FRMD3: variants seen among roughly 807,000 people sequenced by gnomAD.
The protein encoded by FRMD3 is FERM domain-containing protein 3.
A neutral mutation model predicts 70.2 loss-of-function variants in FRMD3; 33 were observed. That is an observed-to-expected ratio of 0.47 (90% CI 0.36 to 0.63). FRMD3 has a LOEUF of 0.63. Among genes scored for constraint, FRMD3 ranks in the 20% least tolerant of loss-of-function variants. The pLI, the probability that FRMD3 is intolerant of heterozygous loss-of-function variation, is 0.00. For missense variants in FRMD3, 632 were observed against 711.4 expected (o/e 0.89, Z 1.27); for synonymous variants, 279 against 255.9 (o/e 1.09, Z -0.86).
At chr9:83,305,848 T>C (rs1835109780) in intron 10 of FRMD3, among the ~76,000 whole-genome samples, 1 of 152,228 alleles carries the variant, frequency 6.6e-6, no homozygotes, top group Non-Finnish European at 1.5e-5. Flanking sequence ...ATACAGTTTG[T>C]CACTTGTGCT....
At chr9:83,577,347 G>T in the FRMD3 span, among the ~76,000 whole-genome samples, 1 of 152,016 alleles carries the variant, frequency 6.6e-6, no homozygotes, top group Non-Finnish European at 1.5e-5. Flanking sequence ...GTAGGTACTG[G>T]CATAAGAATA....
At chr9:83,565,090 G>A in the FRMD3 span, among the ~76,000 whole-genome samples, 5 of 152,140 alleles carry the variant, frequency 3.3e-5, no homozygotes, top group Admixed American at 1.3e-4. Context: ...TTAATCCAGA[G>A]AGCCCATTTC....
intron 1 of FRMD3, among the ~76,000 whole-genome samples, chr9:83,535,411 G>T (rs1587537996): frequency 6.6e-6 from 1 of 152,178 alleles, no homozygotes; most frequent in African/African-American, 2.4e-5. Flanking sequence ...AAGGATGTGT[G>T]GCTTGAGTTT....
chr9:83,398,803 A>G (rs1224587374), intron 1 of FRMD3, among the ~76,000 whole-genome samples: 2 of 152,234 alleles, frequency 1.3e-5, no homozygotes, highest in Non-Finnish European at 2.9e-5. Flanking sequence ...AGTATTCATA[A>G]GTTGGTGGAG....
At chr9:83,516,749 G>T (rs923589553) in intron 1 of FRMD3, among the ~76,000 whole-genome samples, 1 of 152,128 alleles carries the variant, frequency 6.6e-6, no homozygotes, top group African/African-American at 2.4e-5. Flanking sequence ...AAATGAAAAA[G>T]AATGGAAATC....
intron 6 of FRMD3, among the ~76,000 whole-genome samples, chr9:83,329,605 T>C (rs746780557): frequency 3.9e-5 from 6 of 152,188 alleles, no homozygotes; most frequent in South Asian, 2.1e-4. Context: ...TTACAGAGAA[T>C]ATAACCTTTA....
chr9:83,534,523 CT>C (rs1466731209), intron 1 of FRMD3, among the ~76,000 whole-genome samples: 1 of 152,216 alleles, frequency 6.6e-6, no homozygotes, highest in African/African-American at 2.4e-5. Flanking sequence ...AATACTCTGC[CT>C]TCTCCCCTTG....
chr9:83,441,768 C>T (rs553691316), intron 1 of FRMD3, among the ~76,000 whole-genome samples: 11 of 152,222 alleles, frequency 7.2e-5, no homozygotes, highest in Non-Finnish European at 7.4e-5. Flanking sequence ...TTGTTATCTG[C>T]GGACGCCACC....
chr9:83,557,922 T>G, the FRMD3 span, among the ~76,000 whole-genome samples: 198 of 152,352 alleles, frequency 1.3e-3, no homozygotes, highest in Non-Finnish European at 1.2e-3. Context: ...TGTAAATGTT[T>G]GCCTATGGCT....
At chr9:83,497,289 A>C (rs776252952) in intron 1 of FRMD3, among the ~76,000 whole-genome samples, 2 of 152,172 alleles carry the variant, frequency 1.3e-5, no homozygotes, top group Non-Finnish European at 2.9e-5. Flanking sequence ...ATTTATGAGC[A>C]CCTGTGCCCA....
At chr9:83,488,858 C>T (rs12380450) in intron 1 of FRMD3, among the ~76,000 whole-genome samples, 23,946 of 152,000 alleles carry the variant, frequency 0.16, 2,143 homozygotes, top group East Asian at 0.33. Context: ...GAAGAAAACA[C>T]GACAAGGAAA....
chr9:83,547,299 C>CA, the FRMD3 span, among the ~76,000 whole-genome samples: 29 of 147,014 alleles, frequency 2.0e-4, no homozygotes, highest in African/African-American at 5.4e-4. Flanking sequence ...ATAATATAAC[C>CA]AAAAAAGGTC....
At chr9:83,553,832 C>T in the FRMD3 span, among the ~76,000 whole-genome samples, 1 of 152,122 alleles carries the variant, frequency 6.6e-6, no homozygotes, top group Non-Finnish European at 1.5e-5. Context: ...TGTTCCTATC[C>T]ATATTCTGAG....
At chr9:83,437,864 G>A (rs138198107) in intron 1 of FRMD3, among the ~76,000 whole-genome samples, 1,664 of 152,264 alleles carry the variant, frequency 0.011, 38 homozygotes, top group African/African-American at 0.038. Flanking sequence ...AAGAACATGC[G>A]CGTCACTGGC....
chr9:83,489,013 T>C (rs1300530162), intron 1 of FRMD3, among the ~76,000 whole-genome samples: 1 of 143,174 alleles, frequency 7.0e-6, no homozygotes, highest in African/African-American at 2.8e-5. Context: ...TGTGTGTGTG[T>C]GTGCTTGTGT....
intron 1 of FRMD3, among the ~76,000 whole-genome samples, chr9:83,485,050 T>C (rs763358104): frequency 2.2e-4 from 33 of 152,202 alleles, no homozygotes; most frequent in Middle Eastern, 3.2e-3. Flanking sequence ...GAAACAAATA[T>C]TGATGATAGC....
chr9:83,479,965 G>A (rs1056484960), intron 1 of FRMD3, among the ~76,000 whole-genome samples: 10 of 152,078 alleles, frequency 6.6e-5, no homozygotes, highest in African/African-American at 2.2e-4. Context: ...GAGAGATGTC[G>A]ATCCACAGGA....
chr9:83,273,384 A>G (rs1418671164), intron 13 of FRMD3, among the ~76,000 whole-genome samples: 1 of 150,880 alleles, frequency 6.6e-6, no homozygotes, highest in Non-Finnish European at 1.5e-5. Context: ...GGTTAAATGG[A>G]TTAAGGGCGG....
At chr9:83,259,063 A>G (rs1832859791) in intron 13 of FRMD3, among the ~76,000 whole-genome samples, 1 of 152,332 alleles carries the variant, frequency 6.6e-6, no homozygotes, top group Middle Eastern at 3.4e-3. Context: ...AGAGGCTTTT[A>G]TAGATGCCAC....
Sources: gnomAD v4.1 joint callset for allele counts (sites outside exome capture counted in the v4.1 genomes callset) on GRCh38, gnomAD v4.1.1 for gene constraint, MANE v1.5 for transcripts, NCBI Gene and HGNC (gene_info 2026-07-23, HGNC 2026-07-21) for gene names.